LY6D: variants seen among roughly 807,000 people sequenced by gnomAD.
LY6D encodes lymphocyte antigen 6D.
In LY6D, 7 loss-of-function variants were observed where a neutral mutation model predicts 5.6. That is an observed-to-expected ratio of 1.24 (90% CI 0.71 to 2.34). The LOEUF is 2.34. Among genes scored for constraint, LY6D ranks in the 30% most tolerant of loss-of-function variants. LY6D has a pLI of 0.00. For synonymous variants in LY6D, 81 were observed against 75.0 expected, an observed-to-expected ratio of 1.08 and a Z score of -0.41; for missense variants, 148 against 164.8, an observed-to-expected ratio of 0.90 and a Z score of 0.56.
At chr8:142,786,442 G>T in intron 1 of LY6D, 23 bp downstream of exon 1, 2 of 1,178,590 alleles carry the variant, frequency 1.7e-6, no homozygotes, top group Admixed American at 2.6e-5. Context: ...CCACCCGCCC[G>T]TCCCCTTGGC....
rs1377254903 is a variant in LY6D, at chr8:142,785,113, G to A, written c.*108C>T. On this transcript the variant is annotated 3_prime_UTR_variant, in exon 3 of 3. Transcript: ENST00000301263. The stretch of plus-strand genomic sequence containing the variant: ...GACCTGGTCCCAGACTTTCGGGGAA[G>A]CCCTCAGCCTGGGGCTCCTGGCACC... 2 of 851,504 alleles carry A rather than the reference G, an allele frequency of 2.3e-6. No individual in the cohort carries two copies. Among genetic ancestry groups the A allele is most frequent in the Non-Finnish European group, 3.6e-6 (2 of 560,986 alleles). The allele number at this position is 851,504 out of a possible 1,614,324, so 52.7% of individuals were successfully genotyped here.
intron 1 of LY6D, 93 bp downstream of exon 1, chr8:142,786,372 T>C: frequency 1.4e-6 from 2 of 1,450,522 alleles, no homozygotes; most frequent in Non-Finnish European, 1.8e-6. Context: ...GGGTTCTCTG[T>C]GCCTAGATGT....
rs1477191070 is a variant in LY6D, at chr8:142,785,107, G to A, written c.*114C>T. 9.8e-6 allele frequency: 8 copies of A among 817,994 alleles called. No homozygotes were observed. The highest frequency in any genetic ancestry group is 2.7e-5 in the East Asian group (1 of 37,122). 50.7% of individuals were successfully genotyped at this position (817,994 alleles called of 1,614,324 possible). ...CACCTGGACCTGGTCCCAGACTTTC[G>A]GGGAAGCCCTCAGCCTGGGGCTCCT... On this transcript the variant is annotated 3_prime_UTR_variant, in exon 3 of 3. Coordinates refer to ENST00000301263, the MANE Select transcript of LY6D (RefSeq NM_003695.3).
rs747030780 is a variant in LY6D at position 142,785,213 on chromosome 8, G to C, written c.*8C>G. 2 of 1,588,620 alleles carry C rather than the reference G, an allele frequency of 1.3e-6. No individual in the cohort carries two copies. Among genetic ancestry groups the C allele is most frequent in the Non-Finnish European group, 1.7e-6 (2 of 1,160,398 alleles). On this transcript the variant is annotated 3_prime_UTR_variant, in exon 3 of 3. Transcript: ENST00000301263. ...GAAAGGCATGAGGGGCCTTCCCTGG[G>C]GGGAAGGTCACAGGCTGGGGGCTAA...
rs200448982 is a variant in LY6D at position 142,786,526 on chromosome 8, C to T, written c.-10G>A. On this transcript the variant is annotated 5_prime_UTR_variant, in exon 1 of 3. Transcript: ENST00000301263. ...GCAATGCTGTCCTCATCTCTGATGTCGTCTGGGAGCAGTGCGGGCCCCTGC... is the reference window on the plus strand; with the variant it reads ...GCAATGCTGTCCTCATCTCTGATGTTGTCTGGGAGCAGTGCGGGCCCCTGC... 104 of 1,524,146 alleles carry T rather than the reference C, an allele frequency of 6.8e-5. 1 individual carries two copies. Among genetic ancestry groups the T allele is most frequent in the South Asian group, 4.0e-4 (33 of 83,412 alleles). 94.4% of individuals were successfully genotyped at this position (1,524,146 alleles called of 1,614,324 possible).
chr8:142,785,291 AG>A lies in LY6D; in HGVS notation c.316del (p.Leu106SerfsTer12). ...LHNAAPTRTA[L>X]AHSALSLGLA... ...CCCCAGGCTGAGGGCACTGTGGGCGAGGGCGGTGCGGGTGGGTGCAGCGTTG... is the reference window on the plus strand; with the variant it reads ...CCCCAGGCTGAGGGCACTGTGGGCGAGGCGGTGCGGGTGGGTGCAGCGTTG... On this transcript the variant is annotated frameshift_variant, in exon 3 of 3. Coordinates refer to ENST00000301263, the MANE Select transcript of LY6D (RefSeq NM_003695.3). LOFTEE classifies it low-confidence loss of function (END_TRUNC). 2 of 1,613,456 alleles carry A rather than the reference AG, an allele frequency of 1.2e-6. No individual in the cohort carries two copies. Among genetic ancestry groups the A allele is most frequent in the Non-Finnish European group, 1.7e-6 (2 of 1,179,820 alleles).
At chr8:142,785,734 G>C in intron 1 of LY6D, 47 bp from the exon 2 acceptor site, 1 of 1,607,706 alleles carries the variant, frequency 6.2e-7, no homozygotes. Flanking sequence ...GAGGCCTCCT[G>C]GTGACTCAGC....
In LY6D at chr8:142,784,967, C is replaced by A. The variant is rs1182966592; in HGVS notation, c.*254G>T. 5 of 500,144 alleles carry A rather than the reference C, an allele frequency of 1.0e-5. No homozygotes were observed. The highest frequency in any genetic ancestry group is 1.8e-5 in the Non-Finnish European group (5 of 281,636). 31.0% of individuals were successfully genotyped at this position (500,144 alleles called of 1,614,324 possible). A position where few individuals can be genotyped will look rare whatever the true frequency, so the allele number is the denominator to read the frequency against. ...CAGAAGGAGTGTGAAATCCGGGGATCCACAGGGCTTCTGTCCTCCACCTTC... is the reference window on the plus strand; with the variant it reads ...CAGAAGGAGTGTGAAATCCGGGGATACACAGGGCTTCTGTCCTCCACCTTC... On this transcript the variant is annotated 3_prime_UTR_variant, in exon 3 of 3. Transcript: ENST00000301263.
Position 142,785,624 on chromosome 8 carries a change from G to T in LY6D, c.116C>A (p.Pro39Gln). The change falls in exon 2 of 3, where the codon CCG becomes CAG. Residue 39 changes from proline to glutamine, a missense_variant. By Grantham distance (76) the Pro-to-Gln change is moderately conservative. Transcript: ENST00000301263. Reference protein sequence around the residue: ...SSNCKHSVVCPASSRFCKTTN... With the variant: ...SSNCKHSVVCQASSRFCKTTN... ...GGTCTTGCAGAAGCGAGAGCTGGCC[G>T]GGCAGACCACAGAATGCTTGCAGTT... The T allele has an allele frequency of 6.2e-7, 1 of 1,613,692 alleles. No homozygotes were observed. The highest frequency in any genetic ancestry group is 1.3e-5 in the African/African-American group (1 of 75,038).
intron 1 of LY6D, 163 bp downstream of exon 1, chr8:142,786,302 T>G: frequency 7.3e-7 from 1 of 1,370,816 alleles, no homozygotes; most frequent in South Asian, 1.8e-5. Context: ...AATCTGACAC[T>G]CGTTAAGATT....
At chr8:142,785,566 A>ACACCTGGACAGATGCTACC in intron 2 of LY6D, 23 bp downstream of exon 2, 2 of 1,610,530 alleles carry the variant, frequency 1.2e-6, no homozygotes, top group Non-Finnish European at 1.7e-6. Context: ...AGCCCCAGGG[A>ACACCTGGACAGATGCTACC]CACCTGGACA....
chr8:142,786,060 C>T (rs1006597003), intron 1 of LY6D: 14 of 1,190,966 alleles, frequency 1.2e-5, no homozygotes, highest in African/African-American at 1.6e-5. Flanking sequence ...GAGCTAAGGC[C>T]CCGGGGGCAG....
In LY6D at chr8:142,785,314, G is replaced by T. The variant is rs143811173; in HGVS notation, c.294C>A (p.Asn98Lys). 1.2e-6 allele frequency: 2 copies of T among 1,613,698 alleles called. No homozygotes were observed. Among genetic ancestry groups the T allele is most frequent in the Non-Finnish European group, 1.7e-6 (2 of 1,179,908 alleles). ...CGAGGGCGGTGCGGGTGGGTGCAGC[G>T]TTGTGCAGCTTCTCATTGCACAGGT... ...QEDLCNEKLH[N>K]AAPTRTALAH... Residue 98 changes from asparagine to lysine, a missense_variant, in exon 3 of 3, where the codon AAC (asparagine) becomes AAA (lysine). Transcript: ENST00000301263.
Position 142,785,289 on chromosome 8 carries a change from CG to C in LY6D, c.318del (p.Ala107ProfsTer11), listed in dbSNP as rs772441596. Reference sequence around the variant, plus strand: ...AGCCCCAGGCTGAGGGCACTGTGGGCGAGGGCGGTGCGGGTGGGTGCAGCGT... The same window carrying C: ...AGCCCCAGGCTGAGGGCACTGTGGGCAGGGCGGTGCGGGTGGGTGCAGCGT... ...LHNAAPTRTA[L>X]AHSALSLGLA... On this transcript the variant is annotated frameshift_variant, in exon 3 of 3. Transcript: ENST00000301263. LOFTEE classifies it low-confidence loss of function (END_TRUNC). 2.8e-5 allele frequency: 45 copies of C among 1,613,232 alleles called. No homozygotes were observed. Among genetic ancestry groups the C allele is most frequent in the Non-Finnish European group, 3.8e-5 (45 of 1,179,832 alleles).
intron 1 of LY6D, chr8:142,786,262 T>A (rs1815653630): frequency 7.2e-7 from 1 of 1,382,956 alleles, no homozygotes; most frequent in South Asian, 1.7e-5. Context: ...AGGAGTCAGT[T>A]CTAAGATCCT....
chr8:142,785,218 A>G lies in LY6D; in HGVS notation c.*3T>C, dbSNP rs1815628784. On this transcript the variant is annotated 3_prime_UTR_variant, in exon 3 of 3. Coordinates refer to ENST00000301263, the MANE Select transcript of LY6D (RefSeq NM_003695.3). ...GCATGAGGGGCCTTCCCTGGGGGGA[A>G]GGTCACAGGCTGGGGGCTAAGATGA... The G allele has an allele frequency of 2.5e-6, 4 of 1,594,436 alleles. No individual in the cohort carries two copies. Among genetic ancestry groups the G allele is most frequent in the Non-Finnish European group, 3.4e-6 (4 of 1,165,380 alleles).
intron 1 of LY6D, 104 bp downstream of exon 1, chr8:142,786,361 G>C: frequency 7.0e-7 from 1 of 1,438,430 alleles, no homozygotes; most frequent in Non-Finnish European, 9.2e-7. Context: ...CCACAGTGTC[G>C]GGGTTCTCTG....
chr8:142,785,294 G>A lies in LY6D; in HGVS notation c.314C>T (p.Ala105Val), dbSNP rs753102138. The change falls in exon 3 of 3, where the codon GCC becomes GTC. Residue 105 changes from alanine (A) to valine (V), a missense_variant. Physicochemically the swap from Ala to Val is moderately conservative, Grantham distance 64. Transcript: ENST00000301263. ...CAGGCTGAGGGCACTGTGGGCGAGG[G>A]CGGTGCGGGTGGGTGCAGCGTTGTG... is the stretch of plus-strand genomic sequence containing the variant. ...KLHNAAPTRT[A>V]LAHSALSLGL... The A allele has an allele frequency of 1.2e-6, 2 of 1,613,522 alleles. No individual in the cohort carries two copies. Among genetic ancestry groups the A allele is most frequent in the East Asian group, 2.2e-5 (1 of 44,876 alleles).
Position 142,785,026 on chromosome 8 carries a change from G to T in LY6D, c.*195C>A. 1.7e-6 allele frequency: 1 copy of T among 580,726 alleles called. No individual in the cohort carries two copies. The highest frequency in any genetic ancestry group is 3.1e-6 in the Non-Finnish European group (1 of 326,226). The allele number at this position is 580,726 out of a possible 1,614,324, so 36.0% of individuals were successfully genotyped here. A position where few individuals can be genotyped will look rare whatever the true frequency, so the allele number is the denominator to read the frequency against. On this transcript the variant is annotated 3_prime_UTR_variant, in exon 3 of 3. Transcript: ENST00000301263. ...TGGGGGCTGCATCCTCTGTGGGGTG[G>T]CTTCATCCTCTGTGGGGTCTGTGGG...
Sources: allele counts gnomAD v4.1 joint callset, GRCh38; gene constraint gnomAD v4.1.1; transcripts MANE v1.5; gene names NCBI Gene and HGNC (gene_info 2026-07-23, HGNC 2026-07-21).